TXLNB: variants seen among roughly 807,000 people sequenced by gnomAD.
TXLNB encodes beta-taxilin.
A neutral mutation model predicts 57.4 loss-of-function variants in TXLNB; 37 were observed. The observed-to-expected ratio is 0.64, with a 90% CI of 0.50 to 0.85. The LOEUF is 0.85. Among genes scored for constraint, TXLNB ranks in the 40% least tolerant of loss-of-function variants. The pLI, the probability that TXLNB is intolerant of heterozygous loss-of-function variation, is 0.00. For synonymous variants in TXLNB, 302 were observed against 309.6 expected, an observed-to-expected ratio of 0.98 and a Z score of 0.26; for missense variants, 848 against 825.6, an observed-to-expected ratio of 1.03 and a Z score of -0.33.
chr6:139,266,464 G>C (rs1270099821), intron 4 of TXLNB, among the ~76,000 whole-genome samples: 2 of 152,144 alleles, frequency 1.3e-5, no homozygotes, highest in Non-Finnish European at 2.9e-5. Flanking sequence ...ACCATCACTG[G>C]ATGGATTTAG....
At chr6:139,165,450 GTAT>G in the TXLNB span, among the ~76,000 whole-genome samples, 3 of 151,916 alleles carry the variant, frequency 2.0e-5, no homozygotes, top group Non-Finnish European at 4.4e-5. Context: ...TTCCCTTTTG[GTAT>G]TGTACATCCT....
chr6:139,214,063 G>T, the TXLNB span, among the ~76,000 whole-genome samples: 2 of 152,276 alleles, frequency 1.3e-5, no homozygotes, highest in East Asian at 3.9e-4. Context: ...GGAGGAGCTG[G>T]TACCATTCCT....
At chr6:139,229,271 T>C in the TXLNB span, among the ~76,000 whole-genome samples, 1 of 152,180 alleles carries the variant, frequency 6.6e-6, no homozygotes, top group African/African-American at 2.4e-5. Flanking sequence ...ATTATCAGTA[T>C]GAAAGTTCTG....
chr6:139,262,648 G>A lies in TXLNB; in HGVS notation c.813C>T (p.Leu271=), dbSNP rs1342508475. The change falls in exon 5 of 10, where the codon CTC becomes CTT. Residue 271 remains leucine (L), a synonymous_variant. Transcript: ENST00000358430. ...CTGCAAGCTCTGTGTTCTCCTGACA[G>A]AGCTTCATATTTCGCTCACTCTGCT... The part of the protein sequence containing the change: ...IEQQSERNMK[L]CQENTELAEK... The A allele has an allele frequency of 6.2e-7, 1 of 1,614,190 alleles. No individual in the cohort carries two copies. Among genetic ancestry groups the A allele is most frequent in the Admixed American group, 1.7e-5 (1 of 60,022 alleles).
chr6:139,212,425 T>C, the TXLNB span, among the ~76,000 whole-genome samples: 2 of 152,146 alleles, frequency 1.3e-5, no homozygotes, highest in South Asian at 2.1e-4. Flanking sequence ...GACAAGCAAA[T>C]GCTGAGAGAT....
chr6:139,271,141 T>A (rs1182376052), intron 3 of TXLNB, among the ~76,000 whole-genome samples: 1 of 152,008 alleles, frequency 6.6e-6, no homozygotes, highest in African/African-American at 2.4e-5. Context: ...TTTATAATGT[T>A]GGGCTCTGAG....
chr6:139,261,277 T>G (rs1477243665), intron 5 of TXLNB, among the ~76,000 whole-genome samples: 3 of 152,220 alleles, frequency 2.0e-5, no homozygotes, highest in Non-Finnish European at 4.4e-5. Flanking sequence ...CACTCCTTCC[T>G]ATCTTCTTTA....
rs184061681 is a variant in TXLNB, at chr6:139,254,986, T to G, written c.1077+578A>C. Among the ~76,000 whole-genome samples the G allele has an allele frequency of 2.2e-3, 331 of 152,160 alleles. 2 individuals are homozygous for G. Among genetic ancestry groups the G allele is most frequent in the Non-Finnish European group, 3.7e-3 (250 of 67,988 alleles). On this transcript the variant is annotated intron_variant, in intron 7 of 9. Transcript: ENST00000358430. ...GGCACATGCTACCACGCCTGGCTAA[T>G]GTTTATATATTTTTTAATAGAGACG...
chr6:139,214,517 A>G, the TXLNB span, among the ~76,000 whole-genome samples: 1 of 152,218 alleles, frequency 6.6e-6, no homozygotes, highest in East Asian at 1.9e-4. Context: ...CCCATAGCCA[A>G]TATCATACTG....
At chr6:139,234,996 T>A in the TXLNB span, among the ~76,000 whole-genome samples, 1 of 152,140 alleles carries the variant, frequency 6.6e-6, no homozygotes, top group Non-Finnish European at 1.5e-5. Flanking sequence ...AGACATGGAG[T>A]CAAAGGAGAT....
At chr6:139,233,214 A>T in the TXLNB span, among the ~76,000 whole-genome samples, 1 of 151,736 alleles carries the variant, frequency 6.6e-6, no homozygotes, top group African/African-American at 2.4e-5. Flanking sequence ...CAAATAATTT[A>T]AAATGCACTA....
At chr6:139,302,888 TG>T in the TXLNB span, among the ~76,000 whole-genome samples, 1 of 152,234 alleles carries the variant, frequency 6.6e-6, no homozygotes, top group Admixed American at 6.5e-5. Flanking sequence ...GTGGTTTTTC[TG>T]TATAAGGATA....
the TXLNB span, chr6:139,167,048 C>T: frequency 1.9e-6 from 3 of 1,614,152 alleles, no homozygotes; most frequent in Non-Finnish European, 2.5e-6. Context: ...GTTCCTTCGG[C>T]GGCTGGACCT....
the TXLNB span, among the ~76,000 whole-genome samples, chr6:139,197,163 AGAGTTT>A: frequency 1.3e-5 from 2 of 152,176 alleles, no homozygotes; most frequent in Non-Finnish European, 2.9e-5. Context: ...ACACTCTTAT[AGAGTTT>A]TACTGAGATG....
chr6:139,269,183 A>T (rs1202621988), intron 4 of TXLNB: 1 of 152,206 alleles, frequency 6.6e-6, no homozygotes, highest in Non-Finnish European at 1.5e-5. Context: ...AGGATTACAG[A>T]TGTGACCCAC....
chr6:139,284,420 C>T lies in TXLNB; in HGVS notation c.424+4056G>A, dbSNP rs552749704. On this transcript the variant is annotated intron_variant, in intron 2 of 9. Coordinates refer to ENST00000358430, the MANE Select transcript of TXLNB (RefSeq NM_153235.4). ...GCACATGCCTGTAATCCCAGCTACT[C>T]GAGAGGCTGAGGCAGGAGAATCGCT... 1.0e-4 allele frequency among the ~76,000 whole-genome samples: 15 copies of T among 144,636 alleles called. 2 individuals carry two copies. Among genetic ancestry groups the T allele is most frequent in the Non-Finnish European group, 2.2e-4 (14 of 65,082 alleles). The allele number at this position is 144,636 out of a possible 152,430, so 94.9% of individuals were successfully genotyped here.
At chr6:139,254,278 T>A (rs1307592611) in intron 7 of TXLNB, among the ~76,000 whole-genome samples, 1 of 152,098 alleles carries the variant, frequency 6.6e-6, no homozygotes, top group Non-Finnish European at 1.5e-5. Context: ...TGATTTTAAA[T>A]TTCTTATTTG....
At chr6:139,239,851 G>GTC (rs150340316), downstream of TXLNB, among the ~76,000 whole-genome samples, 9,462 of 150,874 alleles carry the variant, frequency 0.063, 909 homozygotes, top group African/African-American at 0.21. This position sits in a 1 kb window ranked among gnomAD's most constrained non-coding sequence, Gnocchi z 4.7. Context: ...TTCTCTCTCT[G>GTC]TCTCTCTCTG....
At chr6:139,285,882 A>T (rs1379390458) in intron 2 of TXLNB, among the ~76,000 whole-genome samples, 1 of 145,406 alleles carries the variant, frequency 6.9e-6, no homozygotes, top group Non-Finnish European at 1.5e-5. Context: ...TTCATTTCAG[A>T]TGCCAAGGGG....
Sources: gnomAD v4.1 joint callset for allele counts (sites outside exome capture counted in the v4.1 genomes callset) on GRCh38, gnomAD v4.1.1 for gene constraint, Gnocchi (gnomAD v3.1) non-coding constraint, MANE v1.5 for transcripts, NCBI Gene and HGNC (gene_info 2026-07-23, HGNC 2026-07-21) for gene names.